The following MAD1L1 variants were observed in gnomAD, a reference collection of about 807,000 sequenced individuals.
MAD1L1 encodes the protein mitotic spindle assembly checkpoint protein MAD1.
Under a neutral mutation model 96.9 loss-of-function variants are expected in MAD1L1, and 95 were observed. That is an observed-to-expected ratio of 0.98 (90% confidence interval 0.83 to 1.16). The LOEUF is 1.16. Ranked by LOEUF, MAD1L1 falls within the 50% of genes most tolerant of loss-of-function variation. MAD1L1 has a pLI of 0.00. For synonymous variants in MAD1L1, 473 were observed against 396.6 expected, an observed-to-expected ratio of 1.19 and a Z score of -2.29; for missense variants, 1,007 against 954.4, an observed-to-expected ratio of 1.06 and a Z score of -0.73.
At chr7:2,228,406 C>A (rs1305826901) in intron 3 of MAD1L1, among the ~76,000 whole-genome samples, 1 of 151,880 alleles carries the variant, frequency 6.6e-6, no homozygotes, top group Non-Finnish European at 1.5e-5. Context: ...TTACAGGTGC[C>A]CACACCCGCC....
intron 10 of MAD1L1, among the ~76,000 whole-genome samples, chr7:2,161,616 T>G (rs557571538): frequency 6.8e-6 from 1 of 146,158 alleles, no homozygotes; most frequent in African/African-American, 2.6e-5. Context: ...GTCTGGGAAG[T>G]GAGGAGCGCC....
chr7:2,102,291 A>G (rs1786832342), intron 11 of MAD1L1, among the ~76,000 whole-genome samples: 1 of 75,878 alleles, frequency 1.3e-5, no homozygotes, highest in Non-Finnish European at 3.9e-5. Flanking sequence ...CACCACCGCC[A>G]CTGTCACCAT....
chr7:1,957,492 A>G, intron 16 of MAD1L1, 137 bp downstream of exon 16: 1 of 843,768 alleles, frequency 1.2e-6, no homozygotes, highest in Non-Finnish European at 1.9e-6. Context: ...AAGGGGGTGC[A>G]CATGGGAGGG....
chr7:2,139,890 A>C (rs1467531835), intron 11 of MAD1L1, among the ~76,000 whole-genome samples: 1 of 152,114 alleles, frequency 6.6e-6, no homozygotes, highest in African/African-American at 2.4e-5. Flanking sequence ...AACAATACAG[A>C]TCAGAAAAAT....
intron 15 of MAD1L1, 124 bp downstream of exon 15, chr7:1,980,329 C>T: frequency 1.3e-6 from 1 of 782,440 alleles, no homozygotes; most frequent in Non-Finnish European, 2.1e-6. Flanking sequence ...GCGTATCCGC[C>T]TCCTCCCCCA....
chr7:2,214,708 AAG>A (rs1793168985), intron 9 of MAD1L1, among the ~76,000 whole-genome samples: 1 of 152,214 alleles, frequency 6.6e-6, no homozygotes, highest in Non-Finnish European at 1.5e-5. Flanking sequence ...TGCACCGGGC[AAG>A]AGAGGGAGCT....
intron 3 of MAD1L1, among the ~76,000 whole-genome samples, chr7:2,225,839 G>A (rs1311173712): frequency 3.9e-5 from 6 of 152,348 alleles, no homozygotes; most frequent in Middle Eastern, 3.4e-3. Context: ...CAACGGCTCC[G>A]TGGGTCGGAA....
intron 18 of MAD1L1, among the ~76,000 whole-genome samples, chr7:1,886,103 T>C (rs1786006519): frequency 6.6e-6 from 1 of 152,182 alleles, no homozygotes; most frequent in South Asian, 2.1e-4. Flanking sequence ...GTGGGCATGT[T>C]TACCTTCTCG....
intron 11 of MAD1L1, among the ~76,000 whole-genome samples, chr7:2,070,151 G>T (rs1035036926): frequency 6.6e-6 from 1 of 152,232 alleles, no homozygotes; most frequent in Admixed American, 6.5e-5. Context: ...GGGCCTCAGG[G>T]GTTTGGATCT....
chr7:1,999,549 G>C (rs1781698778), intron 14 of MAD1L1, among the ~76,000 whole-genome samples: 2 of 152,164 alleles, frequency 1.3e-5, no homozygotes, highest in Non-Finnish European at 2.9e-5. Context: ...ACCTCAGCGG[G>C]ACTGCGGGGA....
At chr7:1,869,522 C>T (rs1784942847) in intron 18 of MAD1L1, among the ~76,000 whole-genome samples, 1 of 152,144 alleles carries the variant, frequency 6.6e-6, no homozygotes, top group Non-Finnish European at 1.5e-5. Context: ...TTCCCAGCGC[C>T]TTTGCTGCCT....
intron 10 of MAD1L1, among the ~76,000 whole-genome samples, chr7:2,175,752 C>T (rs1320274868): frequency 6.6e-6 from 1 of 152,146 alleles, no homozygotes; most frequent in Non-Finnish European, 1.5e-5. Flanking sequence ...TGGGGCTCAT[C>T]CTCCTCCTGA....
intron 14 of MAD1L1, among the ~76,000 whole-genome samples, chr7:1,992,560 C>T (rs916921199): frequency 2.6e-5 from 4 of 152,240 alleles, no homozygotes; most frequent in African/African-American, 7.2e-5. Flanking sequence ...TGAAAGTTCT[C>T]CCTACAGAAA....
At chr7:2,188,697 G>T (rs1203694857) in intron 10 of MAD1L1, among the ~76,000 whole-genome samples, 2 of 152,022 alleles carry the variant, frequency 1.3e-5, no homozygotes, top group East Asian at 3.9e-4. Flanking sequence ...ACAAATCAAA[G>T]ACCTAAATGT....
chr7:2,176,248 C>T (rs1304221497), intron 10 of MAD1L1, among the ~76,000 whole-genome samples: 5 of 152,050 alleles, frequency 3.3e-5, no homozygotes, highest in East Asian at 1.9e-4. Context: ...CTACGGAAGC[C>T]GAGGCAGGAA....
At position 2,021,474 on chromosome 7, in the gene MAD1L1, A is replaced by C. The variant is rs529423024; in HGVS notation, c.1219-6832T>G. Among the ~76,000 whole-genome samples the C allele has an allele frequency of 2.0e-5, 3 of 152,244 alleles. No individual in the cohort carries two copies. The South Asian group carries it at 6.2e-4, about 32-fold the overall frequency. ...CTTCTGTAAGAAAAGCAGAAAGAAA[A>C]ACTCTCAGCGGGGCACACTGGCTCA... On this transcript the variant is annotated intron_variant, in intron 12 of 18. Transcript: ENST00000265854.
intron 17 of MAD1L1, among the ~76,000 whole-genome samples, chr7:1,925,991 T>G (rs1313125534): frequency 1.3e-5 from 2 of 151,420 alleles, no homozygotes; most frequent in African/African-American, 4.9e-5. Flanking sequence ...TCAGTGAAAT[T>G]TATACATCTC....
chr7:1,887,454 C>T (rs192108953), intron 18 of MAD1L1, among the ~76,000 whole-genome samples: 113 of 133,490 alleles, frequency 8.5e-4, no homozygotes, highest in African/African-American at 1.8e-3. Flanking sequence ...TCTGTGTGTG[C>T]GTGCACATGT....
At chr7:1,999,178 A>G (rs996131483) in intron 14 of MAD1L1, among the ~76,000 whole-genome samples, 10 of 152,118 alleles carry the variant, frequency 6.6e-5, no homozygotes, top group African/African-American at 2.2e-4. Context: ...TACAGTTACA[A>G]TGGGTTCCCC....
Sources: allele counts gnomAD v4.1 joint callset (sites outside exome capture counted in the v4.1 genomes callset), GRCh38; gene constraint gnomAD v4.1.1; transcripts MANE v1.5; gene names NCBI Gene and HGNC (gene_info 2026-07-23, HGNC 2026-07-21).